The following EFCAB6 variants were observed in gnomAD, a reference collection of about 807,000 sequenced individuals.
EFCAB6 encodes EF-hand calcium binding domain 6, also known as EF-hand calcium-binding domain-containing protein 6.
Under a neutral mutation model 169.8 loss-of-function variants are expected in EFCAB6, and 156 were observed. The observed-to-expected ratio is 0.92, with a 90% confidence interval of 0.81 to 1.05. The LOEUF is 1.05. Ranked by LOEUF, EFCAB6 falls within the 50% of genes least tolerant of loss-of-function variation. EFCAB6 has a pLI of 0.00. For synonymous variants in EFCAB6, 698 were observed against 676.4 expected (o/e 1.03, Z -0.50); for missense variants, 1,800 against 1,829.1 (o/e 0.98, Z 0.29).
Position 43,537,521 on chromosome 22 carries a change from G to C in EFCAB6, c.3904C>G (p.Pro1302Ala). Residue 1302 changes from proline to alanine, a missense_variant, in exon 29 of 32, where the codon CCG becomes GCG. Physicochemically the swap from Pro to Ala is conservative, Grantham distance 27. Coordinates refer to ENST00000262726, the MANE Select transcript of EFCAB6 (RefSeq NM_022785.4). The surrounding 1 kb of genome is among the most constrained non-coding windows in gnomAD (Gnocchi z 4.3). Reference sequence around the variant, plus strand: ...CAGTTCTGCAAGGGTGGAGTGCCCGGGATCACGGTGGTGCTCGCTGGAGTC... The same window carrying C: ...CAGTTCTGCAAGGGTGGAGTGCCCGCGATCACGGTGGTGCTCGCTGGAGTC... ...PCTPASTTVI[P>A]GTPPLQNCDP... 6.2e-7 allele frequency: 1 copy of C among 1,613,946 alleles called. No individual in the cohort carries two copies. Among genetic ancestry groups the C allele is most frequent in the Non-Finnish European group, 8.5e-7 (1 of 1,179,922 alleles).
chr22:43,711,536 T>G lies in EFCAB6; in HGVS notation c.970A>C (p.Ile324Leu), dbSNP rs1455685885. The change falls in exon 10 of 32, where the codon ATT becomes CTT. Residue 324 changes from isoleucine (I) to leucine (L), a missense_variant. Physicochemically the swap from Ile to Leu is conservative, Grantham distance 5. Coordinates refer to ENST00000262726, the MANE Select transcript of EFCAB6 (RefSeq NM_022785.4). ...GGYVSFNYLK[I>L]VLDTFVYQIP... ...TGGTATACAAAAGTGTCGAGGACAA[T>G]CTTTAGATAATTAAAAGACACGTAG... is the stretch of plus-strand genomic sequence containing the variant. 6.2e-7 allele frequency: 1 copy of G among 1,605,236 alleles called. No homozygotes were observed. Among genetic ancestry groups the G allele is most frequent in the African/African-American group, 1.3e-5 (1 of 74,232 alleles).
At chr22:43,560,121 G>A (rs923677627) in intron 26 of EFCAB6, among the ~76,000 whole-genome samples, 3 of 152,118 alleles carry the variant, frequency 2.0e-5, no homozygotes, top group African/African-American at 7.2e-5. Context: ...GACATATTAT[G>A]TTCCTGGATA....
intron 27 of EFCAB6, among the ~76,000 whole-genome samples, chr22:43,542,845 T>A (rs780099918): frequency 2.6e-5 from 4 of 152,080 alleles, no homozygotes; most frequent in Non-Finnish European, 5.9e-5. Flanking sequence ...TGCCAGCCAG[T>A]GAGCTTGACA....
chr22:43,540,043 A>T (rs2047605291), intron 28 of EFCAB6, 84 bp downstream of exon 28: 1 of 1,487,108 alleles, frequency 6.7e-7, no homozygotes, highest in Non-Finnish European at 9.2e-7. Flanking sequence ...CCTGGGCCAT[A>T]GTAGGGCCCC....
At chr22:43,547,053 G>A (rs1299033104) in intron 27 of EFCAB6, among the ~76,000 whole-genome samples, 2 of 152,246 alleles carry the variant, frequency 1.3e-5, no homozygotes, top group Middle Eastern at 3.4e-3. Flanking sequence ...GGTGTGAAGA[G>A]TAAAGAAGGG....
At chr22:43,544,106 C>A (rs1004756510) in intron 27 of EFCAB6, among the ~76,000 whole-genome samples, 11 of 152,180 alleles carry the variant, frequency 7.2e-5, no homozygotes, top group African/African-American at 2.6e-4. Context: ...CCTGAGCTTA[C>A]TGGGGAAGCT....
chr22:43,796,089 A>T (rs2062498619), intron 2 of EFCAB6, among the ~76,000 whole-genome samples: 1 of 151,084 alleles, frequency 6.6e-6, no homozygotes, highest in Non-Finnish European at 1.5e-5. Context: ...ATGTCCTTCT[A>T]CTCCTGTATT....
intron 8 of EFCAB6, among the ~76,000 whole-genome samples, chr22:43,724,672 C>T (rs2059660114): frequency 6.6e-6 from 1 of 151,950 alleles, no homozygotes; most frequent in African/African-American, 2.4e-5. Context: ...GCCCTGCCTA[C>T]CATCCATATT....
intron 21 of EFCAB6, 47 bp from the exon 22 acceptor site, chr22:43,608,647 T>C (rs1182588130): frequency 3.8e-6 from 6 of 1,570,474 alleles, no homozygotes; most frequent in Admixed American, 1.7e-5. Flanking sequence ...AATGTGCGTA[T>C]GACAGCAGAA....
intron 10 of EFCAB6, among the ~76,000 whole-genome samples, chr22:43,698,330 C>A (rs1311204083): frequency 1.3e-5 from 2 of 152,132 alleles, no homozygotes; most frequent in African/African-American, 4.8e-5. Context: ...GAGTAAAATT[C>A]AAGATTTGTG....
At chr22:43,652,023 G>T (rs1264751748) in intron 17 of EFCAB6, among the ~76,000 whole-genome samples, 1 of 152,176 alleles carries the variant, frequency 6.6e-6, no homozygotes, top group East Asian at 1.9e-4. Flanking sequence ...GGACTTTTGA[G>T]TTAATGCTGA....
chr22:43,645,668 G>A (rs1304199465), intron 17 of EFCAB6, among the ~76,000 whole-genome samples: 1 of 152,166 alleles, frequency 6.6e-6, no homozygotes, highest in Non-Finnish European at 1.5e-5. Flanking sequence ...AAATGTAGTA[G>A]TGATACGTAT....
At chr22:43,665,780 C>T (rs2057219133) in intron 17 of EFCAB6, among the ~76,000 whole-genome samples, 1 of 151,896 alleles carries the variant, frequency 6.6e-6, no homozygotes, top group Admixed American at 6.5e-5. Context: ...ATTTCCTCTG[C>T]CTTATTCCCT....
At chr22:43,637,632 C>T (rs575105521) in intron 17 of EFCAB6, among the ~76,000 whole-genome samples, 16 of 152,234 alleles carry the variant, frequency 1.1e-4, no homozygotes, top group East Asian at 5.8e-4. Context: ...CGGGTGGCAA[C>T]GCAGGAGTAC....
At chr22:43,689,377 A>ACACACACACACAG (rs988058724) in intron 10 of EFCAB6, among the ~76,000 whole-genome samples, 1 of 151,884 alleles carries the variant, frequency 6.6e-6, no homozygotes, top group African/African-American at 2.4e-5. Flanking sequence ...ACACACACAC[A>ACACACACACACAG]CAGCAGCATC....
At chr22:43,578,939 C>T (rs551776101) in intron 25 of EFCAB6, among the ~76,000 whole-genome samples, 1 of 149,794 alleles carries the variant, frequency 6.7e-6, no homozygotes, top group Non-Finnish European at 1.5e-5. Context: ...GGCATCATTG[C>T]TTACATGCAA....
At chr22:43,749,636 T>G (rs1035485437) in intron 6 of EFCAB6, among the ~76,000 whole-genome samples, 1 of 152,074 alleles carries the variant, frequency 6.6e-6, no homozygotes, top group Admixed American at 6.6e-5. Context: ...GCTCAGGCGG[T>G]GATGCTCATT....
intron 24 of EFCAB6, among the ~76,000 whole-genome samples, chr22:43,585,837 T>C (rs2051029657): frequency 6.6e-6 from 1 of 152,180 alleles, no homozygotes; most frequent in Non-Finnish European, 1.5e-5. Flanking sequence ...TTGCCAGAAA[T>C]CATGCAACCA....
At chr22:43,655,149 C>T (rs568890640) in intron 17 of EFCAB6, among the ~76,000 whole-genome samples, 9 of 151,932 alleles carry the variant, frequency 5.9e-5, no homozygotes, top group Admixed American at 3.3e-4. Context: ...CCCAGCTACT[C>T]GGGAGGCTGA....
Sources: allele counts gnomAD v4.1 joint callset (sites outside exome capture counted in the v4.1 genomes callset), GRCh38; gene constraint gnomAD v4.1.1; non-coding constraint Gnocchi (gnomAD v3.1); transcripts MANE v1.5; gene names NCBI Gene and HGNC (gene_info 2026-07-23, HGNC 2026-07-21).